MUC4: variants seen among roughly 807,000 people sequenced by gnomAD.
MUC4 encodes the protein mucin 4, cell surface associated.
A neutral mutation model predicts 257.9 loss-of-function variants in MUC4; 202 were observed. That is an observed-to-expected ratio of 0.78 (90% CI 0.70 to 0.88). MUC4 has a LOEUF of 0.88. Ranked by LOEUF, MUC4 falls within the 40% of genes least tolerant of loss-of-function variation. The probability of loss-of-function intolerance (pLI) is 0.00; values close to 1 mark genes in which losing one functional copy is unlikely to be tolerated. For synonymous variants in MUC4, 2,351 were observed against 2,757.1 expected, an observed-to-expected ratio of 0.85 and a Z score of 4.62; for missense variants, 5,976 against 6,513.7, an observed-to-expected ratio of 0.92 and a Z score of 2.84.
intron 6 of MUC4, chr3:195,769,608 T>G (rs1722352939): frequency 5.9e-6 from 1 of 168,304 alleles, no homozygotes; most frequent in Non-Finnish European, 1.3e-5. Context: ...TTGTCCACAG[T>G]AGGTGACCAG....
intron 3 of MUC4, 119 bp from the exon 4 acceptor site, chr3:195,774,424 C>A: frequency 7.8e-7 from 1 of 1,276,198 alleles, no homozygotes; most frequent in Non-Finnish European, 1.0e-6. Context: ...TCCCCGAGGG[C>A]CCCAGAGGCA....
intron 23 of MUC4, chr3:195,750,039 G>A (rs1003177100): frequency 6.6e-6 from 1 of 152,248 alleles, no homozygotes; most frequent in Admixed American, 6.5e-5. Context: ...CCCTGCTCCG[G>A]GAGAGAGCGG....
chr3:195,798,917 G>C (rs549864581), intron 1 of MUC4, among the ~76,000 whole-genome samples: 25 of 152,170 alleles, frequency 1.6e-4, no homozygotes, highest in Admixed American at 7.8e-4. Flanking sequence ...CTGGCTCAGG[G>C]GGACTGGGAG....
rs113686997 is a variant in MUC4, at chr3:195,781,658, C to G, written c.9922G>C (p.Gly3308Arg). The G allele has an allele frequency of 2.4e-6, 1 of 416,224 alleles. No individual in the cohort carries two copies. Among genetic ancestry groups the G allele is most frequent in the Non-Finnish European group, 3.4e-6 (1 of 295,904 alleles). The allele number at this position is 416,224 out of a possible 1,614,324, so 25.8% of individuals were successfully genotyped here. The part of the protein sequence containing the change: ...LVTETSSVST[G>R]HATPLLVTDA... ...GTGACAAGAAGAGGAGTGGCGTGACCTGTGGATACTGAGGAAGTCTCGGTG... is the reference window on the plus strand; with the variant it reads ...GTGACAAGAAGAGGAGTGGCGTGACGTGTGGATACTGAGGAAGTCTCGGTG... The change falls in exon 2 of 25, where the codon GGT becomes CGT. Residue 3308 changes from glycine (G) to arginine (R), a missense_variant. This residue lies in a region of MUC4 where 72 missense variants were observed against 33.5 expected (regional missense o/e 2.15). Transcript: ENST00000463781.
chr3:195,769,137 C>T lies in MUC4; in HGVS notation c.13414G>A (p.Ala4472Thr). ...CTGCTCCCGTCCGTGGAGAGGATGGCTTGGTAGGTGTTGCTCTGGGGGTGG... is the reference window on the plus strand; with the variant it reads ...CTGCTCCCGTCCGTGGAGAGGATGGTTTGGTAGGTGTTGCTCTGGGGGTGG... Reference protein sequence around the residue: ...QWTLGSNTYQAILSTDGSRSY... With the variant: ...QWTLGSNTYQTILSTDGSRSY... The change falls in exon 7 of 25, where the codon GCC becomes ACC. Residue 4472 changes from alanine (A) to threonine (T), a missense_variant. Physicochemically the swap from Ala to Thr is moderately conservative, Grantham distance 58 (BLOSUM62 0). This residue lies in a region of MUC4 where 996 missense variants were observed against 1,137.3 expected (regional missense o/e 0.88). Transcript: ENST00000463781. 1 of 1,614,086 alleles carries T rather than the reference C, an allele frequency of 6.2e-7. No individual in the cohort carries two copies. Among genetic ancestry groups the T allele is most frequent in the South Asian group, 1.1e-5 (1 of 91,060 alleles).
chr3:195,767,587 A>ATTG (rs1560262076), intron 7 of MUC4, among the ~76,000 whole-genome samples: 2 of 110,682 alleles, frequency 1.8e-5, no homozygotes, highest in African/African-American at 4.7e-5. Flanking sequence ...CACCACCATC[A>ATTG]CCACCACCAC....
Position 195,748,893 on chromosome 3 carries a change from C to T in MUC4, c.16034+9G>A. Reference sequence around the variant, plus strand: ...CTGTCCTCCACCTCCTGGCCACAGCCCTATGCACCTGCAGCGGGGCCCACT... The same window carrying T: ...CTGTCCTCCACCTCCTGGCCACAGCTCTATGCACCTGCAGCGGGGCCCACT... On this transcript the variant is annotated intron_variant, in intron 24 of 24. Transcript: ENST00000463781. 1 of 1,572,398 alleles carries T rather than the reference C, an allele frequency of 6.4e-7. No individual in the cohort carries two copies. The highest frequency in any genetic ancestry group is 1.2e-5 in the South Asian group (1 of 85,024).
intron 20 of MUC4, among the ~76,000 whole-genome samples, 180 bp downstream of exon 20, chr3:195,752,871 G>GT (rs1716754014): frequency 6.6e-6 from 1 of 152,144 alleles, no homozygotes; most frequent in Non-Finnish European, 1.5e-5. Context: ...GGTCCTTGCC[G>GT]TGACAGCTTG....
intron 8 of MUC4, 99 bp from the exon 9 acceptor site, chr3:195,765,548 C>T: frequency 8.3e-7 from 1 of 1,203,020 alleles, no homozygotes; most frequent in Non-Finnish European, 1.2e-6. Flanking sequence ...TGCACCCCCT[C>T]CTGCCACTTC....
At chr3:195,765,159 G>A (rs1240228368) in intron 9 of MUC4, 37 bp from the exon 10 acceptor site, 1 of 1,592,880 alleles carries the variant, frequency 6.3e-7, no homozygotes, top group African/African-American at 1.3e-5. Flanking sequence ...CCCAGGCTGG[G>A]GCTGCCAGGG....
At chr3:195,761,854 C>G (rs1242392044) in intron 14 of MUC4, among the ~76,000 whole-genome samples, 1 of 152,056 alleles carries the variant, frequency 6.6e-6, no homozygotes, top group African/African-American at 2.4e-5. Flanking sequence ...CTGTGCCCCC[C>G]GCCTCCCCGC....
chr3:195,762,052 G>A (rs1382765544), intron 14 of MUC4, 35 bp downstream of exon 14: 2 of 1,555,696 alleles, frequency 1.3e-6, no homozygotes, highest in Admixed American at 1.9e-5. Context: ...GGCTGGCTCC[G>A]CGGAGCCTCA....
chr3:195,802,870 T>C (rs907898220), intron 1 of MUC4, among the ~76,000 whole-genome samples: 8 of 152,184 alleles, frequency 5.3e-5, no homozygotes, highest in Admixed American at 5.2e-4. Flanking sequence ...CCCTTTCTCT[T>C]GGGTTTCCAA....
At chr3:195,748,442 T>C (rs1453543278) in intron 24 of MUC4, among the ~76,000 whole-genome samples, 1 of 152,262 alleles carries the variant, frequency 6.6e-6, no homozygotes, top group African/African-American at 2.4e-5. Flanking sequence ...TGCATGCCTG[T>C]AGTCCCAACT....
rs1717108653 is a variant in MUC4 at position 195,754,428 on chromosome 3, T to C, written c.15169-56A>G. ...AGGAGACCAAACTGGGAAGGGCTTC[T>C]GGGTGTTTCTGACTGACCCCTTTGG... On this transcript the variant is annotated intron_variant, in intron 18 of 24. Coordinates refer to ENST00000463781, the MANE Select transcript of MUC4 (RefSeq NM_018406.7). 1.9e-6 allele frequency: 3 copies of C among 1,554,706 alleles called. No homozygotes were observed. In the African/African-American group the frequency reaches 4.1e-5, roughly 21 times the overall value.
rs761074298 is a variant in MUC4, at chr3:195,771,766, G to C, written c.13128C>G (p.Phe4376Leu). The C allele has an allele frequency of 1.2e-6, 2 of 1,613,966 alleles. No individual in the cohort carries two copies. The highest frequency in any genetic ancestry group is 1.1e-5 in the South Asian group (1 of 91,082). The change falls in exon 5 of 25, where the codon TTC becomes TTG. Residue 4376 changes from phenylalanine (F) to leucine (L), a missense_variant. Coordinates refer to ENST00000463781, the MANE Select transcript of MUC4 (RefSeq NM_018406.7). Reference protein sequence around the residue: ...IIFPESDYQIFSYPNPLPTGF... With the variant: ...IIFPESDYQILSYPNPLPTGF... The stretch of plus-strand genomic sequence containing the variant: ...CTGTTGGGAGTGGGTTGGGGTAGGA[G>C]AAAATCTGGTAGTCTGACTCTGGGA...
rs71321852 is a variant in MUC4 at position 195,789,456 on chromosome 3, G to C, written c.2124C>G (p.Ala708=). Reference sequence around the variant, plus strand: ...GTGCTGCCTGCAGTGCTGTGGTCGGGGCCTGGGTTGTGTGACCATCCCCGG... The same window carrying C: ...GTGCTGCCTGCAGTGCTGTGGTCGGCGCCTGGGTTGTGTGACCATCCCCGG... ...APTGDGHTTQ[A]PTTALQAAPS... The change falls in exon 2 of 25, where the codon GCC becomes GCG. Residue 708 remains alanine (A), a synonymous_variant. Coordinates refer to ENST00000463781, the MANE Select transcript of MUC4 (RefSeq NM_018406.7). The C allele has an allele frequency of 1.2e-5, 20 of 1,613,660 alleles. No homozygotes were observed. The highest frequency in any genetic ancestry group is 1.6e-5 in the Non-Finnish European group (19 of 1,179,852).
intron 7 of MUC4, among the ~76,000 whole-genome samples, chr3:195,767,760 T>TTGC (rs1721536365): frequency 6.8e-5 from 2 of 29,560 alleles, no homozygotes; most frequent in Middle Eastern, 0.024. Flanking sequence ...ACCACCACCA[T>TTGC]CACCACCACC....
chr3:195,793,059 C>G (rs1734066707), intron 1 of MUC4, among the ~76,000 whole-genome samples: 1 of 151,860 alleles, frequency 6.6e-6, no homozygotes, highest in African/African-American at 2.4e-5. Flanking sequence ...GTGCAGTAAA[C>G]CACCATGGCA....
Sources: allele counts gnomAD v4.1 joint callset (sites outside exome capture counted in the v4.1 genomes callset), GRCh38; gene constraint gnomAD v4.1.1; regional missense constraint gnomAD v4.1.1; transcripts MANE v1.5; gene names NCBI Gene and HGNC (gene_info 2026-07-23, HGNC 2026-07-21).